LRRK2: variants seen among roughly 807,000 people sequenced by gnomAD.
LRRK2 encodes the protein leucine-rich repeat serine/threonine-protein kinase 2.
In LRRK2, 203 loss-of-function variants were observed where a neutral mutation model predicts 302.6. The ratio of observed to expected loss-of-function variants is 0.67; its 90% CI spans 0.60 to 0.75. The LOEUF is 0.75. Ranked by LOEUF, LRRK2 falls within the 30% of genes least tolerant of loss-of-function variation. The probability of loss-of-function intolerance (pLI) is 0.00; values close to 1 mark genes in which losing one functional copy is unlikely to be tolerated. For missense variants in LRRK2, 2,830 were observed against 2,951.0 expected (o/e 0.96, Z 0.95); for synonymous variants, 1,066 against 1,031.9 (o/e 1.03, Z -0.63).
chr12:40,313,897 C>A, intron 31 of LRRK2, 75 bp from the exon 32 acceptor site: 1 of 1,163,590 alleles, frequency 8.6e-7, no homozygotes, highest in Non-Finnish European at 1.3e-6. Context: ...AAACTGTTAG[C>A]ACTGAATTTG....
At chr12:40,351,507 A>G (rs1259253204) in intron 43 of LRRK2, 32 bp from the exon 44 acceptor site, 2 of 1,601,540 alleles carry the variant, frequency 1.2e-6, no homozygotes, top group Non-Finnish European at 8.6e-7. Flanking sequence ...TAACTCGATA[A>G]GTACTGTTTT....
At chr12:40,334,937 T>C in intron 39 of LRRK2, 30 bp from the exon 40 acceptor site, 1 of 1,612,076 alleles carries the variant, frequency 6.2e-7, no homozygotes, top group Admixed American at 1.7e-5. Context: ...TGATGTTGAA[T>C]TACTCTTACA....
At chr12:40,315,182 G>A (rs2136855469) in intron 32 of LRRK2, 30 bp from the exon 33 acceptor site, 3 of 1,545,048 alleles carry the variant, frequency 1.9e-6, no homozygotes, top group East Asian at 4.5e-5. Flanking sequence ...TAGATTCCAT[G>A]TTTCACTGTT....
intron 3 of LRRK2, among the ~76,000 whole-genome samples, chr12:40,233,233 A>C (rs1029164724): frequency 6.6e-6 from 1 of 152,172 alleles, no homozygotes; most frequent in Admixed American, 6.5e-5. Flanking sequence ...AAACAAACAA[A>C]CAAACCTTTT....
intron 7 of LRRK2, 87 bp from the exon 8 acceptor site, chr12:40,249,739 A>C: frequency 6.9e-7 from 1 of 1,439,298 alleles, no homozygotes; most frequent in Non-Finnish European, 9.7e-7. Context: ...TCACCATTCA[A>C]AATTATTGAT....
chr12:40,257,335 C>G lies in LRRK2; in HGVS notation c.1376C>G (p.Ala459Gly). 6.2e-7 allele frequency: 1 copy of G among 1,612,762 alleles called. No individual in the cohort carries two copies. ...MQKHIHSPEV[A>G]ESGCKMLNHL... is the part of the protein sequence containing the mutation. ...AAGCATATACATTCTCCTGAAGTGG[C>G]TGAAAGTGGCTGTAAAATGCTAAAT... Residue 459 changes from alanine to glycine, a missense_variant, in exon 12 of 51, where the codon GCT becomes GGT. Transcript: ENST00000298910.
intron 13 of LRRK2, among the ~76,000 whole-genome samples, chr12:40,261,647 A>G (rs773520134): frequency 1.3e-5 from 2 of 152,126 alleles, no homozygotes; most frequent in Non-Finnish European, 2.9e-5. Context: ...CATTCTAGGT[A>G]TCAACAAGTA....
chr12:40,285,190 C>T (rs1345220256), intron 19 of LRRK2, among the ~76,000 whole-genome samples: 1 of 152,136 alleles, frequency 6.6e-6, no homozygotes, highest in African/African-American at 2.4e-5. Context: ...GTGCTATCAC[C>T]AGTCTGGAAG....
chr12:40,354,423 A>G lies in LRRK2; in HGVS notation c.6701A>G (p.Lys2234Arg), dbSNP rs781471303. The change falls in exon 45 of 51, where the codon AAG becomes AGG. Residue 2234 changes from lysine to arginine, a missense_variant. By Grantham distance (26) the Lys-to-Arg change is conservative (BLOSUM62 2). Coordinates refer to ENST00000298910, the MANE Select transcript of LRRK2 (RefSeq NM_198578.4). Reference protein sequence around the residue: ...LLVINTEDGKKRHTLEKMTDS... With the variant: ...LLVINTEDGKRRHTLEKMTDS... Reference sequence around the variant, plus strand: ...GTCATCAATACCGAAGATGGGAAAAAGAGACATACCCTAGAAAAGATGACT... The same window carrying G: ...GTCATCAATACCGAAGATGGGAAAAGGAGACATACCCTAGAAAAGATGACT... 2 of 1,614,166 alleles carry G rather than the reference A, an allele frequency of 1.2e-6. No individual in the cohort carries two copies. The highest frequency in any genetic ancestry group is 2.2e-5 in the East Asian group (1 of 44,866).
Position 40,336,327 on chromosome 12 carries a change from C to T in LRRK2, c.5948+1170C>T, listed in dbSNP as rs904648578. On this transcript the variant is annotated intron_variant, in intron 40 of 50. Coordinates refer to ENST00000298910, the MANE Select transcript of LRRK2 (RefSeq NM_198578.4). Reference sequence around the variant, plus strand: ...CTCTCAGCAGAGAGGATGTCCGCAACGACCCTTTGTCTCTCCAGCCCCTAT... The same window carrying T: ...CTCTCAGCAGAGAGGATGTCCGCAATGACCCTTTGTCTCTCCAGCCCCTAT... Among the ~76,000 whole-genome samples, 5 of 152,192 alleles carry T rather than the reference C, an allele frequency of 3.3e-5. No homozygotes were observed. The East Asian group carries it at 7.7e-4, about 23-fold the overall frequency.
chr12:40,230,668 C>CTTTTTTTT (rs3057613), intron 2 of LRRK2, among the ~76,000 whole-genome samples: 2 of 135,330 alleles, frequency 1.5e-5, no homozygotes, highest in African/African-American at 2.7e-5. Context: ...TGCACTTTCT[C>CTTTTTTTT]TTTTTTTTTT....
chr12:40,267,604 G>C (rs1943072550), intron 14 of LRRK2, among the ~76,000 whole-genome samples: 1 of 152,184 alleles, frequency 6.6e-6, no homozygotes. Flanking sequence ...TGTTCCAACT[G>C]AGAAGAAATG....
chr12:40,283,065 T>A (rs1943774068), intron 18 of LRRK2, among the ~76,000 whole-genome samples: 1 of 152,156 alleles, frequency 6.6e-6, no homozygotes, highest in Non-Finnish European at 1.5e-5. Flanking sequence ...TTAGAAATCA[T>A]GTGTGTACAG....
intron 46 of LRRK2, among the ~76,000 whole-genome samples, chr12:40,356,584 C>G (rs1046853477): frequency 2.6e-5 from 4 of 152,094 alleles, no homozygotes; most frequent in African/African-American, 9.7e-5. Context: ...TTCTTTTCTT[C>G]AGATTCCTAT....
intron 49 of LRRK2, chr12:40,366,521 A>G (rs1592355212): frequency 6.1e-6 from 1 of 164,156 alleles, no homozygotes; most frequent in Non-Finnish European, 1.3e-5. Flanking sequence ...GGGCCTACAT[A>G]GAAGACTTTT....
intron 20 of LRRK2, among the ~76,000 whole-genome samples, chr12:40,292,961 C>G (rs1297762134): frequency 6.6e-6 from 1 of 151,854 alleles, no homozygotes; most frequent in Non-Finnish European, 1.5e-5. Flanking sequence ...ACATGAAATT[C>G]AAATAGAAAT....
At chr12:40,328,023 CAA>C (rs1244617097) in intron 38 of LRRK2, among the ~76,000 whole-genome samples, 1 of 152,072 alleles carries the variant, frequency 6.6e-6, no homozygotes, top group Non-Finnish European at 1.5e-5. Context: ...ATCACCAACA[CAA>C]AGTTGGAAGT....
chr12:40,257,936 G>T (rs1358981554), intron 12 of LRRK2, among the ~76,000 whole-genome samples: 1 of 151,210 alleles, frequency 6.6e-6, no homozygotes, highest in Non-Finnish European at 1.5e-5. Flanking sequence ...GTGGGATGAG[G>T]TGGGGGTGAG....
chr12:40,238,713 C>T (rs557747743), intron 5 of LRRK2, among the ~76,000 whole-genome samples: 72 of 152,120 alleles, frequency 4.7e-4, no homozygotes, highest in African/African-American at 1.6e-3. Context: ...TTTAAGAGCC[C>T]CTTTTGTATC....
Sources: gnomAD v4.1 joint callset for allele counts (sites outside exome capture counted in the v4.1 genomes callset) on GRCh38, gnomAD v4.1.1 for gene constraint, MANE v1.5 for transcripts, NCBI Gene and HGNC (gene_info 2026-07-23, HGNC 2026-07-21) for gene names.